GALNT10: variants seen among roughly 807,000 people sequenced by gnomAD.
GALNT10 encodes the protein polypeptide N-acetylgalactosaminyltransferase 10.
A neutral mutation model predicts 75.0 loss-of-function variants in GALNT10; 41 were observed. The ratio of observed to expected loss-of-function variants is 0.55; its 90% CI spans 0.43 to 0.71. The LOEUF (loss-of-function observed/expected upper bound fraction) is 0.71, where lower values mean the gene tolerates loss of function less well. Ranked by LOEUF, GALNT10 falls within the 30% of genes least tolerant of loss-of-function variation. The pLI is 0.00. For missense variants in GALNT10, 727 were observed against 818.5 expected (o/e 0.89, Z 1.36); for synonymous variants, 302 against 313.0 (o/e 0.96, Z 0.37).
At chr5:154,265,904 T>TA (rs10651176) in intron 1 of GALNT10, among the ~76,000 whole-genome samples, 60,594 of 149,398 alleles carry the variant, frequency 0.41, 13,221 homozygotes, top group East Asian at 0.84. Flanking sequence ...TCAATCTCAT[T>TA]AAAAAAAAAA....
At chr5:154,314,767 C>T (rs965913299) in intron 3 of GALNT10, among the ~76,000 whole-genome samples, 1 of 151,506 alleles carries the variant, frequency 6.6e-6, no homozygotes, top group Admixed American at 6.6e-5. Flanking sequence ...GTACCCCTTT[C>T]CAGAAGATGA....
intron 4 of GALNT10, among the ~76,000 whole-genome samples, chr5:154,359,032 G>A (rs1755342036): frequency 6.6e-6 from 1 of 152,198 alleles, no homozygotes; most frequent in South Asian, 2.1e-4. Context: ...CGGTGTTGAA[G>A]GTTACCAAGA....
intron 1 of GALNT10, among the ~76,000 whole-genome samples, chr5:154,209,735 G>A (rs919307742): frequency 1.3e-5 from 2 of 152,224 alleles, no homozygotes; most frequent in Non-Finnish European, 2.9e-5. Flanking sequence ...TTGTAATACC[G>A]TCACCTTGGG....
chr5:154,396,313 T>C (rs913722957), intron 7 of GALNT10, among the ~76,000 whole-genome samples: 1 of 152,186 alleles, frequency 6.6e-6, no homozygotes, highest in Non-Finnish European at 1.5e-5. Context: ...AGTGAATGCA[T>C]TGCGGCCAGT....
chr5:154,208,706 G>A (rs1775147385), intron 1 of GALNT10, among the ~76,000 whole-genome samples: 1 of 152,158 alleles, frequency 6.6e-6, no homozygotes, highest in African/African-American at 2.4e-5. Context: ...TCAAGGTTCA[G>A]TCAGGACAGA....
intron 9 of GALNT10, among the ~76,000 whole-genome samples, chr5:154,410,602 T>A (rs1034434174): frequency 1.3e-5 from 2 of 152,140 alleles, no homozygotes; most frequent in Non-Finnish European, 2.9e-5. Flanking sequence ...CCTTCATAAG[T>A]TCTTGGCTAA....
At chr5:154,305,478 A>G (rs1278423033) in intron 3 of GALNT10, among the ~76,000 whole-genome samples, 1 of 152,224 alleles carries the variant, frequency 6.6e-6, no homozygotes, top group Non-Finnish European at 1.5e-5. Context: ...ACACACTTTA[A>G]ATGTAGAGAT....
chr5:154,385,065 T>C (rs1018546958), intron 6 of GALNT10, among the ~76,000 whole-genome samples: 1 of 152,340 alleles, frequency 6.6e-6, no homozygotes, highest in South Asian at 2.1e-4. Flanking sequence ...GGGCAGCTTT[T>C]GGGTTGACTA....
chr5:154,340,602 G>A (rs77060692), intron 4 of GALNT10, among the ~76,000 whole-genome samples: 2,092 of 152,186 alleles, frequency 0.014, 47 homozygotes, highest in African/African-American at 0.046. Flanking sequence ...AATGAAGCAC[G>A]TTGGCCAAAA....
intron 4 of GALNT10, among the ~76,000 whole-genome samples, chr5:154,363,698 A>C (rs1373148859): frequency 2.0e-5 from 3 of 152,028 alleles, no homozygotes; most frequent in Non-Finnish European, 4.4e-5. Flanking sequence ...GTGGGGAGAG[A>C]GGTTTGAGTG....
intron 1 of GALNT10, among the ~76,000 whole-genome samples, chr5:154,198,760 C>G (rs955673722): frequency 6.6e-6 from 1 of 152,110 alleles, no homozygotes; most frequent in African/African-American, 2.4e-5. Flanking sequence ...ACTCCAGCCC[C>G]CAGGGGTCAC....
intron 4 of GALNT10, among the ~76,000 whole-genome samples, chr5:154,361,475 ATG>A (rs1755386664): frequency 6.6e-6 from 1 of 152,190 alleles, no homozygotes; most frequent in Non-Finnish European, 1.5e-5. Context: ...CACTCTTACT[ATG>A]TGTCAGCTGT....
intron 4 of GALNT10, among the ~76,000 whole-genome samples, chr5:154,365,486 G>A (rs1021036521): frequency 6.6e-6 from 1 of 152,184 alleles, no homozygotes; most frequent in Non-Finnish European, 1.5e-5. Flanking sequence ...AAAAGAGACT[G>A]ACTTAGACTT....
At chr5:154,301,408 G>A (rs1390862167) in intron 3 of GALNT10, among the ~76,000 whole-genome samples, 1 of 151,460 alleles carries the variant, frequency 6.6e-6, no homozygotes, top group Non-Finnish European at 1.5e-5. Context: ...AATTATCATG[G>A]CTATATAATG....
chr5:154,410,003 T>G (rs1377326265), intron 9 of GALNT10, among the ~76,000 whole-genome samples: 2 of 152,236 alleles, frequency 1.3e-5, no homozygotes, highest in African/African-American at 4.8e-5. Context: ...CCTTTCATCT[T>G]TATATTATGC....
intron 1 of GALNT10, among the ~76,000 whole-genome samples, chr5:154,264,330 A>AAG (rs35019683): frequency 6.7e-6 from 1 of 149,064 alleles, no homozygotes; most frequent in African/African-American, 2.5e-5. Flanking sequence ...AAAAAAAAAA[A>AAG]GTGATTTGGG....
intron 4 of GALNT10, among the ~76,000 whole-genome samples, chr5:154,358,184 T>C (rs1417290365): frequency 6.6e-6 from 1 of 152,168 alleles, no homozygotes; most frequent in Non-Finnish European, 1.5e-5. Context: ...TGTAGCACAA[T>C]TGGAGGCCTC....
intron 4 of GALNT10, chr5:154,347,169 T>C (rs1465013068): frequency 2.0e-6 from 1 of 510,514 alleles, no homozygotes; most frequent in Non-Finnish European, 4.0e-6. Context: ...GTTGGCATTG[T>C]TGTCTGGCAT....
chr5:154,321,316 T>G (rs1421172150), intron 3 of GALNT10, among the ~76,000 whole-genome samples: 3 of 151,308 alleles, frequency 2.0e-5, no homozygotes, highest in African/African-American at 7.3e-5. Context: ...AAAACTTTTT[T>G]TTTTTCTCCT....
Sources: gnomAD v4.1 joint callset for allele counts (sites outside exome capture counted in the v4.1 genomes callset) on GRCh38, gnomAD v4.1.1 for gene constraint, MANE v1.5 for transcripts, NCBI Gene and HGNC (gene_info 2026-07-23, HGNC 2026-07-21) for gene names.